ZFR: variants seen among roughly 807,000 people sequenced by gnomAD.
ZFR encodes zinc finger RNA binding protein, also known as zinc finger RNA-binding protein.
ZFR carries 19 observed loss-of-function variants against 130.7 expected under a neutral mutation model. The observed-to-expected ratio is 0.15, with a 90% CI of 0.10 to 0.21. The LOEUF is 0.21. ZFR is among the 10% of genes least tolerant of loss of function. ZFR has a pLI of 1.00. For synonymous variants in ZFR, 466 were observed against 456.9 expected (o/e 1.02, Z -0.25); for missense variants, 872 against 1,321.5 (o/e 0.66, Z 5.27).
At chr5:32,439,950 C>T (rs996788646) in intron 2 of ZFR, among the ~76,000 whole-genome samples, 3 of 151,560 alleles carry the variant, frequency 2.0e-5, no homozygotes, top group Non-Finnish European at 2.9e-5. Context: ...CTGAAGAATT[C>T]CTATCAGAAC....
chr5:32,401,472 G>T (rs1753447046), intron 8 of ZFR, among the ~76,000 whole-genome samples: 1 of 152,020 alleles, frequency 6.6e-6, no homozygotes, highest in African/African-American at 2.4e-5. Flanking sequence ...TGGTCAGAAA[G>T]AAAAGAATGA....
chr5:32,357,638 C>A (rs1251474127), intron 19 of ZFR, among the ~76,000 whole-genome samples: 1 of 152,162 alleles, frequency 6.6e-6, no homozygotes, highest in Non-Finnish European at 1.5e-5. Context: ...TTTAAAGATA[C>A]CATATGAAAT....
chr5:32,404,230 AT>A, intron 6 of ZFR, 133 bp from the exon 7 acceptor site: 3 of 687,844 alleles, frequency 4.4e-6, no homozygotes, highest in Non-Finnish European at 7.1e-6. Context: ...GAAAAAGGGC[AT>A]GTGGCATTCG....
At chr5:32,365,142 G>T (rs1752514730) in intron 17 of ZFR, among the ~76,000 whole-genome samples, 1 of 152,086 alleles carries the variant, frequency 6.6e-6, no homozygotes, top group South Asian at 2.1e-4. Flanking sequence ...AATATTTAAG[G>T]CTTATCCATG....
At chr5:32,426,980 A>C (rs530019175) in intron 2 of ZFR, among the ~76,000 whole-genome samples, 1 of 152,264 alleles carries the variant, frequency 6.6e-6, no homozygotes, top group East Asian at 1.9e-4. Context: ...ATACATGGAA[A>C]ACACTAAACA....
chr5:32,370,131 T>C (rs1308096439), intron 17 of ZFR, among the ~76,000 whole-genome samples: 2 of 149,196 alleles, frequency 1.3e-5, no homozygotes, highest in Non-Finnish European at 3.0e-5. Context: ...TCTCACGATG[T>C]GCCCAGGCTG....
chr5:32,439,129 C>A (rs1054614100), intron 2 of ZFR, among the ~76,000 whole-genome samples: 2 of 152,184 alleles, frequency 1.3e-5, no homozygotes, highest in Non-Finnish European at 2.9e-5. Context: ...TAGCAACAAT[C>A]CTTTTGGAAT....
intron 14 of ZFR, 56 bp downstream of exon 14, chr5:32,387,493 G>A: frequency 6.3e-6 from 10 of 1,586,406 alleles, no homozygotes; most frequent in Admixed American, 1.8e-5. Context: ...AGTCAGTCCC[G>A]CCAAAAACTT....
chr5:32,394,332 C>G (rs559083317), intron 11 of ZFR: 26 of 169,106 alleles, frequency 1.5e-4, no homozygotes, highest in African/African-American at 5.8e-4. Context: ...CATGAAAACA[C>G]GCTAAGTGAA....
In ZFR at chr5:32,395,189, TCTC is replaced by T. The variant is rs1235976443; in HGVS notation, c.1946_1948del (p.Arg649_Glu650delinsGln). ...TTCCATTCTCCAACGCTCCTCTTCT[TCTC>T]GTCTTCGCCAGTACTCCTCCTTCTG... On this transcript the variant is annotated inframe_deletion, in exon 11 of 20. Coordinates refer to ENST00000265069, the MANE Select transcript of ZFR (RefSeq NM_016107.5). 4 of 1,606,270 alleles carry T rather than the reference TCTC, an allele frequency of 2.5e-6. No individual in the cohort carries two copies. Among genetic ancestry groups the T allele is most frequent in the Non-Finnish European group, 3.4e-6 (4 of 1,176,570 alleles).
chr5:32,440,907 A>C (rs1372336931), intron 2 of ZFR, among the ~76,000 whole-genome samples: 1 of 152,228 alleles, frequency 6.6e-6, no homozygotes, highest in African/African-American at 2.4e-5. Flanking sequence ...AAAAAGTCTA[A>C]ATCTAAAATA....
chr5:32,407,017 C>T lies in ZFR; in HGVS notation c.789G>A (p.Thr263=), dbSNP rs375652153. 2.9e-5 allele frequency: 43 copies of T among 1,491,764 alleles called. No individual in the cohort carries two copies. The highest frequency in any genetic ancestry group is 3.7e-5 in the Non-Finnish European group (41 of 1,120,922). The allele number at this position is 1,491,764 out of a possible 1,614,324, so 92.4% of individuals were successfully genotyped here. A position where few individuals can be genotyped will look rare whatever the true frequency, so the allele number is the denominator to read the frequency against. The change falls in exon 6 of 20, where the codon ACG becomes ACA. Residue 263 remains threonine (T), a synonymous_variant. Transcript: ENST00000265069. ...YSTTAVTYSG[T]SYSGYEAAVY... ...CTGCTGCTTCATAACCTGAATAAGACGTACCTTACAAATAAAAATCAAACA... is the reference window on the plus strand; with the variant it reads ...CTGCTGCTTCATAACCTGAATAAGATGTACCTTACAAATAAAAATCAAACA...
intron 17 of ZFR, among the ~76,000 whole-genome samples, chr5:32,374,285 C>G (rs1273538425): frequency 6.6e-6 from 1 of 152,116 alleles, no homozygotes; most frequent in Non-Finnish European, 1.5e-5. Context: ...GTGGGCGGAT[C>G]ACTTGAGGTC....
intron 15 of ZFR, among the ~76,000 whole-genome samples, chr5:32,381,034 T>C (rs1752924585): frequency 6.6e-6 from 1 of 152,034 alleles, no homozygotes; most frequent in Non-Finnish European, 1.5e-5. Flanking sequence ...CCCTTTAAAA[T>C]TTAAAGTTCC....
Position 32,442,355 on chromosome 5 carries a change from C to T in ZFR, c.137+1874G>A, listed in dbSNP as rs541982747. ...TTTTCCTCTCCTTGAAAATTATTAG[C>T]CCTACTAAAATCTCAGAATTCACTA... On this transcript the variant is annotated intron_variant, in intron 2 of 19. Coordinates refer to ENST00000265069, the MANE Select transcript of ZFR (RefSeq NM_016107.5). Among the ~76,000 whole-genome samples the T allele has an allele frequency of 3.9e-5, 6 of 152,286 alleles. No individual in the cohort carries two copies. In the South Asian group the frequency reaches 1.2e-3, roughly 32 times the overall value.
intron 2 of ZFR, among the ~76,000 whole-genome samples, chr5:32,440,701 T>A (rs958201136): frequency 1.3e-5 from 2 of 151,816 alleles, no homozygotes; most frequent in African/African-American, 4.8e-5. Flanking sequence ...ATTCCATAGT[T>A]TATGGGACTT....
rs533135961 is a variant in ZFR, at chr5:32,444,665, G to C, written c.-7C>G. ...CAGGGCATATGGGAATCATGGGCTC[G>C]GGCTGCTGCTGCTGAACTCTGAACT... On this transcript the variant is annotated 5_prime_UTR_variant, in exon 1 of 20. Coordinates refer to ENST00000265069, the MANE Select transcript of ZFR (RefSeq NM_016107.5). 3.4e-5 allele frequency: 51 copies of C among 1,510,732 alleles called. No individual in the cohort carries two copies. The South Asian group carries it at 5.8e-4, about 17-fold the overall frequency. The allele number at this position is 1,510,732 out of a possible 1,614,324, so 93.6% of individuals were successfully genotyped here. A position where few individuals can be genotyped will look rare whatever the true frequency, so the allele number is the denominator to read the frequency against.
At chr5:32,430,079 C>CA (rs56163955) in intron 2 of ZFR, among the ~76,000 whole-genome samples, 15,908 of 70,012 alleles carry the variant, frequency 0.23, 2,104 homozygotes, top group African/African-American at 0.34. Context: ...GACCCTATTT[C>CA]AAAAAAAAAA....
chr5:32,364,248 T>C lies in ZFR; in HGVS notation c.2863A>G (p.Ile955Val), dbSNP rs1227892486. Reference protein sequence around the residue: ...WAMELLVEKAISSASSPQSPG... With the variant: ...WAMELLVEKAVSSASSPQSPG... ...CTCTGAGGGCTAGAAGCACTGCTGA[T>C]TGCTTTCTCTACTAGTAACTCCATA... is the stretch of plus-strand genomic sequence containing the variant. Residue 955 changes from isoleucine to valine, a missense_variant, in exon 18 of 20, where the codon ATC becomes GTC. Physicochemically the swap from Ile to Val is conservative, Grantham distance 29. Around this residue, in one of 7 missense-constraint regions of ZFR, gnomAD observed 158 missense variants for 264.0 expected, o/e 0.60. Coordinates refer to ENST00000265069, the MANE Select transcript of ZFR (RefSeq NM_016107.5). 5.6e-6 allele frequency: 9 copies of C among 1,609,750 alleles called. No homozygotes were observed. Among genetic ancestry groups the C allele is most frequent in the Non-Finnish European group, 6.8e-6 (8 of 1,176,822 alleles).
Sources: allele counts gnomAD v4.1 joint callset (sites outside exome capture counted in the v4.1 genomes callset), GRCh38; gene constraint gnomAD v4.1.1; regional missense constraint gnomAD v4.1.1; transcripts MANE v1.5; gene names NCBI Gene and HGNC (gene_info 2026-07-23, HGNC 2026-07-21).